Variants in LPP observed in about 807,000 individuals in gnomAD.
LPP encodes LIM domain containing preferred translocation partner in lipoma.
LPP carries 38 observed loss-of-function variants against 60.4 expected under a neutral mutation model. The ratio of observed to expected loss-of-function variants is 0.63; its 90% CI spans 0.49 to 0.83. The LOEUF (loss-of-function observed/expected upper bound fraction) is 0.83. Among genes scored for constraint, LPP ranks in the 40% least tolerant of loss-of-function variants. LPP has a pLI of 0.00. For synonymous variants in LPP, 328 were observed against 290.8 expected (o/e 1.13, Z -1.30); for missense variants, 902 against 783.6 (o/e 1.15, Z -1.80).
At chr3:188,358,863 A>T (rs1768387381) in intron 3 of LPP, among the ~76,000 whole-genome samples, 2 of 152,154 alleles carry the variant, frequency 1.3e-5, no homozygotes, top group Non-Finnish European at 2.9e-5. Context: ...GTCCGCAAAG[A>T]CTAGTCCAAG....
chr3:188,503,361 G>A (rs1358579012), intron 5 of LPP, among the ~76,000 whole-genome samples: 1 of 151,930 alleles, frequency 6.6e-6, no homozygotes, highest in Non-Finnish European at 1.5e-5. Context: ...AAACAAAATT[G>A]GGCTTACCAA....
intron 7 of LPP, among the ~76,000 whole-genome samples, chr3:188,623,712 C>T (rs1846251874): frequency 6.6e-6 from 1 of 152,198 alleles, no homozygotes; most frequent in South Asian, 2.1e-4. Flanking sequence ...TGCTGTGCAG[C>T]AACTCAAATT....
At chr3:188,510,143 G>A (rs1815015042) in intron 5 of LPP, among the ~76,000 whole-genome samples, 1 of 152,172 alleles carries the variant, frequency 6.6e-6, no homozygotes, top group South Asian at 2.1e-4. Flanking sequence ...AATGAGACAT[G>A]AGCAGAATTC....
chr3:188,707,247 T>C (rs151186484), intron 7 of LPP, among the ~76,000 whole-genome samples: 4,768 of 152,188 alleles, frequency 0.031, 238 homozygotes, highest in African/African-American at 0.11. Context: ...GAGATTTTAG[T>C]GCACCCATCA....
intron 1 of LPP, among the ~76,000 whole-genome samples, chr3:188,204,863 T>C (rs796242214): frequency 6.6e-6 from 1 of 152,180 alleles, no homozygotes; most frequent in African/African-American, 2.4e-5. Context: ...TTTCAAAGAT[T>C]TCTGAGATAA....
intron 8 of LPP, among the ~76,000 whole-genome samples, chr3:188,732,300 T>A (rs980610138): frequency 1.3e-5 from 2 of 152,198 alleles, no homozygotes; most frequent in African/African-American, 4.8e-5. Context: ...AATAAAATTA[T>A]TCTAAGATCT....
At chr3:188,532,790 A>C (rs1013336279) in intron 6 of LPP, among the ~76,000 whole-genome samples, 15 of 152,244 alleles carry the variant, frequency 9.9e-5, no homozygotes, top group Non-Finnish European at 2.2e-4. Flanking sequence ...GGCTCAAAGC[A>C]ACAGCTCACA....
At chr3:188,184,092 G>A (rs767862920) in intron 1 of LPP, among the ~76,000 whole-genome samples, 2 of 152,162 alleles carry the variant, frequency 1.3e-5, no homozygotes, top group African/African-American at 4.8e-5. Flanking sequence ...ACTGGCCATC[G>A]CAGTGCCTCT....
chr3:188,279,273 T>C (rs1029630265), intron 2 of LPP, among the ~76,000 whole-genome samples: 2 of 152,246 alleles, frequency 1.3e-5, no homozygotes, highest in Non-Finnish European at 2.9e-5. Context: ...CCAGCTTCAC[T>C]GGCCTTGAGT....
At chr3:188,595,949 C>A (rs1388063274) in intron 6 of LPP, among the ~76,000 whole-genome samples, 1 of 152,154 alleles carries the variant, frequency 6.6e-6, no homozygotes, top group East Asian at 1.9e-4. Flanking sequence ...CCAAATCACC[C>A]CTCCTTTGCC....
At chr3:188,189,393 G>A (rs1438824773) in intron 1 of LPP, among the ~76,000 whole-genome samples, 1 of 152,274 alleles carries the variant, frequency 6.6e-6, no homozygotes, top group East Asian at 1.9e-4. Context: ...AGGCCCATAA[G>A]GAAGAGTTTC....
intron 9 of LPP, among the ~76,000 whole-genome samples, chr3:188,775,178 C>T (rs1438161059): frequency 1.3e-5 from 2 of 151,694 alleles, no homozygotes; most frequent in African/African-American, 4.8e-5. Context: ...TCAGCCTTCT[C>T]AGTAGCTGGG....
chr3:188,452,962 C>T (rs751223511), intron 4 of LPP, among the ~76,000 whole-genome samples: 16 of 152,118 alleles, frequency 1.1e-4, no homozygotes, highest in Non-Finnish European at 2.4e-4. Flanking sequence ...AGTTGTCAGC[C>T]CACATGGCCA....
At chr3:188,541,678 C>T (rs896424881) in intron 6 of LPP, among the ~76,000 whole-genome samples, 1 of 152,090 alleles carries the variant, frequency 6.6e-6, no homozygotes, top group Non-Finnish European at 1.5e-5. Flanking sequence ...GGGCGGATCA[C>T]CTGAGGTCAG....
chr3:188,442,063 C>T (rs1794119614), intron 4 of LPP, among the ~76,000 whole-genome samples: 1 of 152,140 alleles, frequency 6.6e-6, no homozygotes, highest in South Asian at 2.1e-4. Context: ...AGGTGCTTAG[C>T]AATAACTATT....
At chr3:188,745,169 C>G (rs1422956867) in intron 8 of LPP, among the ~76,000 whole-genome samples, 2 of 152,004 alleles carry the variant, frequency 1.3e-5, no homozygotes, top group Non-Finnish European at 2.9e-5. Context: ...CTCTAACAGC[C>G]TTCATTTATT....
intron 3 of LPP, among the ~76,000 whole-genome samples, chr3:188,371,290 A>G (rs1490781964): frequency 2.0e-5 from 3 of 148,186 alleles, no homozygotes; most frequent in Non-Finnish European, 4.4e-5. Flanking sequence ...AATTATCTAC[A>G]TTCATTTATA....
chr3:188,414,463 C>T (rs1315056201), intron 4 of LPP, among the ~76,000 whole-genome samples: 12 of 152,046 alleles, frequency 7.9e-5, no homozygotes, highest in South Asian at 6.2e-4. Flanking sequence ...TTTGTATATG[C>T]GATACTTAGT....
intron 4 of LPP, among the ~76,000 whole-genome samples, chr3:188,430,096 G>A (rs531930626): frequency 6.6e-6 from 1 of 151,998 alleles, no homozygotes; most frequent in Non-Finnish European, 1.5e-5. Flanking sequence ...GATTGATTAG[G>A]ACAAATAGGG....
Sources: gnomAD v4.1 joint callset for allele counts (sites outside exome capture counted in the v4.1 genomes callset) on GRCh38, gnomAD v4.1.1 for gene constraint, MANE v1.5 for transcripts, NCBI Gene and HGNC (gene_info 2026-07-23, HGNC 2026-07-21) for gene names.